The following LPAR1 variants were observed in gnomAD, a reference collection of about 807,000 sequenced individuals.
LPAR1 encodes lysophosphatidic acid receptor 1.
Under a neutral mutation model 23.8 loss-of-function variants are expected in LPAR1, and 5 were observed. The observed-to-expected ratio is 0.21, with a 90% CI of 0.11 to 0.44. LPAR1 has a LOEUF of 0.44. Ranked by LOEUF, LPAR1 falls within the 20% of genes least tolerant of loss-of-function variation. LPAR1 has a pLI of 0.99. For synonymous variants in LPAR1, 160 were observed against 164.7 expected (o/e 0.97, Z 0.22); for missense variants, 311 against 482.8 (o/e 0.64, Z 3.33).
At chr9:110,965,067 C>CACCAT (rs2096162645) in intron 4 of LPAR1, among the ~76,000 whole-genome samples, 1 of 151,906 alleles carries the variant, frequency 6.6e-6, no homozygotes, top group Admixed American at 6.6e-5. Flanking sequence ...GACGGGGTTT[C>CACCAT]ACCATATTGG....
chr9:110,915,939 T>A (rs371410185), intron 5 of LPAR1, among the ~76,000 whole-genome samples: 1 of 152,142 alleles, frequency 6.6e-6, no homozygotes. Flanking sequence ...ATTATCAATA[T>A]GAAAATCATG....
chr9:110,972,012 C>T lies in LPAR1; in HGVS notation c.45+61G>A, dbSNP rs371352749. 35 of 1,403,942 alleles carry T rather than the reference C, an allele frequency of 2.5e-5. No homozygotes were observed. In the African/African-American group the frequency reaches 3.4e-4, roughly 14 times the overall value. The allele number at this position is 1,403,942 out of a possible 1,614,324, so 87.0% of individuals were successfully genotyped here. A position where few individuals can be genotyped will look rare whatever the true frequency, so the allele number is the denominator to read the frequency against. Reference sequence around the variant, plus strand: ...AGAGTCAAATACACTTCCTGAAACCCAGTTTAAATATTTGACAAACTTACG... The same window carrying T: ...AGAGTCAAATACACTTCCTGAAACCTAGTTTAAATATTTGACAAACTTACG... On this transcript the variant is annotated intron_variant, in intron 4 of 5. Transcript: ENST00000683809.
intron 2 of LPAR1, among the ~76,000 whole-genome samples, chr9:111,033,892 T>A (rs1050379689): frequency 2.0e-5 from 3 of 152,112 alleles, no homozygotes; most frequent in Admixed American, 1.3e-4. Context: ...CCCTAGCATC[T>A]CCAGATTCAA....
intron 5 of LPAR1, among the ~76,000 whole-genome samples, chr9:110,939,564 G>A (rs2094950353): frequency 6.6e-6 from 1 of 152,112 alleles, no homozygotes; most frequent in Admixed American, 6.6e-5. Context: ...GGTAGTAGTT[G>A]GGCATGGGAA....
At chr9:110,970,967 C>T (rs1265478003) in intron 4 of LPAR1, among the ~76,000 whole-genome samples, 1 of 152,090 alleles carries the variant, frequency 6.6e-6, no homozygotes. Context: ...GAAACCCCAT[C>T]TCTACTAAAA....
At chr9:110,921,001 C>A (rs1386658300) in intron 5 of LPAR1, among the ~76,000 whole-genome samples, 1 of 151,684 alleles carries the variant, frequency 6.6e-6, no homozygotes, top group Non-Finnish European at 1.5e-5. Context: ...CCAGACGTTA[C>A]GGCGCTTGAC....
intron 4 of LPAR1, among the ~76,000 whole-genome samples, chr9:110,950,233 G>A (rs2095526017): frequency 1.3e-5 from 2 of 151,954 alleles, no homozygotes; most frequent in South Asian, 4.2e-4. Context: ...GCTGAGGCAG[G>A]TGGCTCACTT....
At chr9:110,992,759 T>A (rs1262208323) in intron 2 of LPAR1, among the ~76,000 whole-genome samples, 1 of 152,136 alleles carries the variant, frequency 6.6e-6, no homozygotes, top group Non-Finnish European at 1.5e-5. Context: ...GATTCCATTA[T>A]ATAAAACTGT....
chr9:111,008,515 C>T (rs2097264369), intron 2 of LPAR1, among the ~76,000 whole-genome samples: 1 of 152,046 alleles, frequency 6.6e-6, no homozygotes, highest in South Asian at 2.1e-4. Flanking sequence ...TGAGTTTTGG[C>T]TTTTAAAAGC....
At chr9:110,878,141 G>C (rs1217118272) in intron 5 of LPAR1, among the ~76,000 whole-genome samples, 2 of 152,032 alleles carry the variant, frequency 1.3e-5, no homozygotes, top group East Asian at 1.9e-4. Context: ...TTTTGTACTA[G>C]GATTAAGCCC....
intron 2 of LPAR1, among the ~76,000 whole-genome samples, chr9:111,034,014 T>C (rs1426530358): frequency 6.6e-6 from 1 of 152,200 alleles, no homozygotes; most frequent in Non-Finnish European, 1.5e-5. Context: ...CCTATAAAGC[T>C]CCTGAATACC....
At chr9:110,888,247 G>A (rs2082943555) in intron 5 of LPAR1, among the ~76,000 whole-genome samples, 1 of 152,152 alleles carries the variant, frequency 6.6e-6, no homozygotes, top group Non-Finnish European at 1.5e-5. Context: ...GGAGTTCTGT[G>A]TCATATTCGA....
intron 5 of LPAR1, among the ~76,000 whole-genome samples, chr9:110,912,136 T>A (rs2092531157): frequency 6.6e-6 from 1 of 152,176 alleles, no homozygotes; most frequent in Non-Finnish European, 1.5e-5. Context: ...TGTGACTACA[T>A]CACAGTTTTT....
At chr9:111,037,130 G>C (rs1468630790) in intron 1 of LPAR1, among the ~76,000 whole-genome samples, 1 of 152,184 alleles carries the variant, frequency 6.6e-6, no homozygotes, top group Non-Finnish European at 1.5e-5. Flanking sequence ...ATGCTTAGCT[G>C]AGCAAACACA....
intron 2 of LPAR1, among the ~76,000 whole-genome samples, chr9:111,021,876 G>A (rs1371012344): frequency 3.5e-5 from 5 of 144,458 alleles, no homozygotes; most frequent in African/African-American, 5.2e-5. Context: ...CAGGAGAATC[G>A]CTTGAACCAC....
At chr9:111,035,215 T>C (rs184947158) in intron 2 of LPAR1, among the ~76,000 whole-genome samples, 305 of 145,712 alleles carry the variant, frequency 2.1e-3, no homozygotes, top group Non-Finnish European at 3.3e-3. Flanking sequence ...ACATCCATAA[T>C]AGTTTTCCCT....
intron 2 of LPAR1, among the ~76,000 whole-genome samples, chr9:110,995,815 CA>C (rs2096988612): frequency 1.3e-5 from 2 of 151,770 alleles, no homozygotes; most frequent in Admixed American, 1.3e-4. Flanking sequence ...TGAAAATCAC[CA>C]AAAAAGGGGG....
chr9:111,000,091 G>T (rs909316346), intron 2 of LPAR1, among the ~76,000 whole-genome samples: 2 of 152,066 alleles, frequency 1.3e-5, no homozygotes, highest in Non-Finnish European at 2.9e-5. Flanking sequence ...TAATACCATC[G>T]CCTTGGGGAC....
At chr9:110,956,042 A>G (rs2095731912) in intron 4 of LPAR1, among the ~76,000 whole-genome samples, 1 of 152,202 alleles carries the variant, frequency 6.6e-6, no homozygotes, top group South Asian at 2.1e-4. Flanking sequence ...AAAAAAAATA[A>G]TAAAGATTAG....
Sources: allele counts gnomAD v4.1 joint callset (sites outside exome capture counted in the v4.1 genomes callset), GRCh38; gene constraint gnomAD v4.1.1; transcripts MANE v1.5; gene names NCBI Gene and HGNC (gene_info 2026-07-23, HGNC 2026-07-21).